PRICKLE2: variants seen among roughly 807,000 people sequenced by gnomAD.
PRICKLE2 encodes prickle-like protein 2.
PRICKLE2 carries 21 observed loss-of-function variants against 81.4 expected under a neutral mutation model. The ratio of observed to expected loss-of-function variants is 0.26; its 90% CI spans 0.18 to 0.37. PRICKLE2 has a LOEUF of 0.37. PRICKLE2 is among the 10% of genes least tolerant of loss of function. PRICKLE2 has a pLI of 1.00. For synonymous variants in PRICKLE2, 456 were observed against 421.5 expected (o/e 1.08, Z -1.00); for missense variants, 940 against 1,109.0 (o/e 0.85, Z 2.16).
At chr3:64,266,642 A>G (rs978767341) in intron 2 of PRICKLE2, among the ~76,000 whole-genome samples, 1 of 152,186 alleles carries the variant, frequency 6.6e-6, no homozygotes, top group African/African-American at 2.4e-5. Flanking sequence ...ATGATTTGAA[A>G]AGGAAAGGCC....
intron 2 of PRICKLE2, among the ~76,000 whole-genome samples, chr3:64,172,826 T>G (rs1424255607): frequency 6.6e-6 from 1 of 152,186 alleles, no homozygotes; most frequent in Non-Finnish European, 1.5e-5. Flanking sequence ...ATAAGACTGG[T>G]GTCCTTGTAA....
At chr3:64,134,457 A>G (rs1417777016) in intron 7 of PRICKLE2, among the ~76,000 whole-genome samples, 1 of 152,176 alleles carries the variant, frequency 6.6e-6, no homozygotes, top group Non-Finnish European at 1.5e-5. Flanking sequence ...CAGTCTCGGC[A>G]CTGCTGGCTT....
chr3:64,212,530 T>C (rs1244655484), intron 1 of PRICKLE2, among the ~76,000 whole-genome samples: 1 of 152,214 alleles, frequency 6.6e-6, no homozygotes, highest in African/African-American at 2.4e-5. Flanking sequence ...GCTGAAGTAC[T>C]TGTTTAGTCT....
rs764076668 is a variant in PRICKLE2 at position 64,147,125 on chromosome 3, C to A, written c.1365G>T (p.Leu455=). ...AGCTGCCAGCATGTCCTGTCATGGC[C>A]AGTGACGAGCTCCTTTTGGGGTTGC... is the stretch of plus-strand genomic sequence containing the variant. ...HFSNPKRSSS[L]AMTGHAGSFI... The change falls in exon 7 of 8, where the codon CTG becomes CTT. Residue 455 remains leucine (L), a synonymous_variant. Coordinates refer to ENST00000638394, the MANE Select transcript of PRICKLE2 (RefSeq NM_198859.4). This position sits in a 1 kb window ranked among gnomAD's most constrained non-coding sequence, Gnocchi z 5.0. 1.2e-6 allele frequency: 2 copies of A among 1,614,172 alleles called. No homozygotes were observed. The highest frequency in any genetic ancestry group is 8.5e-7 in the Non-Finnish European group (1 of 1,180,034).
intron 2 of PRICKLE2, among the ~76,000 whole-genome samples, chr3:64,261,872 T>C (rs1214062943): frequency 6.6e-6 from 1 of 152,140 alleles, no homozygotes; most frequent in Non-Finnish European, 1.5e-5. Flanking sequence ...TGTCTGAAGG[T>C]GTTAAACAGG....
At position 64,157,312 on chromosome 3, in the gene PRICKLE2, G is replaced by C. The variant is rs2077652807; in HGVS notation, c.450C>G (p.Gly150=). Residue 150 remains glycine (G), a synonymous_variant, in exon 5 of 8, where the codon GGC becomes GGG. Transcript: ENST00000638394. ...GDIAVFASRA[G]HGVCWHPPCF... ...ACGGCGGGTGCCAGCAAACGCCGTG[G>C]CCAGCGCGTGACGCAAACACAGCGA... The C allele has an allele frequency of 6.2e-7, 1 of 1,613,978 alleles. No homozygotes were observed. Among genetic ancestry groups the C allele is most frequent in the Non-Finnish European group, 8.5e-7 (1 of 1,180,028 alleles).
upstream of PRICKLE2, among the ~76,000 whole-genome samples, chr3:64,229,586 T>C (rs1314035270): frequency 6.6e-6 from 1 of 152,212 alleles, no homozygotes. Context: ...AATGGCAGTG[T>C]TTCAGTTTTT....
intron 2 of PRICKLE2, among the ~76,000 whole-genome samples, chr3:64,230,924 A>G (rs2079093292): frequency 6.6e-6 from 1 of 152,132 alleles, no homozygotes. Context: ...AAATGATAAA[A>G]CTGTTCATGA....
intron 2 of PRICKLE2, among the ~76,000 whole-genome samples, chr3:64,188,197 C>G (rs973851132): frequency 1.3e-5 from 2 of 152,178 alleles, no homozygotes; most frequent in African/African-American, 4.8e-5. Context: ...TCTGCTTTGT[C>G]CTAGGATCCT....
intron 1 of PRICKLE2, among the ~76,000 whole-genome samples, chr3:64,218,646 AT>A (rs2078907634): frequency 6.6e-6 from 1 of 152,230 alleles, no homozygotes; most frequent in African/African-American, 2.4e-5. Flanking sequence ...TAATCATTAA[AT>A]ATTAAATATT....
intron 2 of PRICKLE2, among the ~76,000 whole-genome samples, chr3:64,249,274 T>TC (rs2079406589): frequency 7.0e-6 from 1 of 142,168 alleles, no homozygotes; most frequent in South Asian, 2.2e-4. Flanking sequence ...CCACACACTT[T>TC]TAAACCATCA....
intron 2 of PRICKLE2, chr3:64,174,355 T>C (rs1338209642): frequency 6.6e-6 from 1 of 152,152 alleles, no homozygotes; most frequent in African/African-American, 2.4e-5. Context: ...ACAGTTATTG[T>C]GAGGATTTAA....
intron 1 of PRICKLE2, among the ~76,000 whole-genome samples, chr3:64,206,931 G>T (rs1575666391): frequency 6.6e-6 from 1 of 152,308 alleles, no homozygotes; most frequent in African/African-American, 2.4e-5. Context: ...GACAGGGTCT[G>T]CTCTGTCACC....
chr3:64,133,853 T>C (rs2077235827), intron 7 of PRICKLE2, among the ~76,000 whole-genome samples: 1 of 152,142 alleles, frequency 6.6e-6, no homozygotes, highest in Non-Finnish European at 1.5e-5. Flanking sequence ...TCTGGATCAT[T>C]GACATGTACA....
intron 1 of PRICKLE2, among the ~76,000 whole-genome samples, chr3:64,204,708 C>T (rs1291914309): frequency 1.3e-5 from 2 of 152,112 alleles, no homozygotes; most frequent in Non-Finnish European, 2.9e-5. Context: ...GCTAGCTGCC[C>T]GCCTTCCACT....
chr3:64,238,020 T>C (rs1197405820), intron 2 of PRICKLE2, among the ~76,000 whole-genome samples: 4 of 152,142 alleles, frequency 2.6e-5, no homozygotes, highest in Non-Finnish European at 4.4e-5. Flanking sequence ...GAGCAAGAAG[T>C]TCAGTGGACA....
chr3:64,148,770 T>C (rs2077497700), intron 6 of PRICKLE2, among the ~76,000 whole-genome samples: 1 of 152,128 alleles, frequency 6.6e-6, no homozygotes, highest in Non-Finnish European at 1.5e-5. Flanking sequence ...CCAGAAAGTA[T>C]CATCCAGGAA....
intron 7 of PRICKLE2, among the ~76,000 whole-genome samples, chr3:64,103,972 CCT>C (rs1374833295): frequency 3.3e-5 from 5 of 152,016 alleles, no homozygotes; most frequent in South Asian, 2.1e-4. Context: ...AGAGCGAGCC[CCT>C]GTCTCCAAAA....
At chr3:64,181,768 G>C (rs1292823451) in intron 2 of PRICKLE2, among the ~76,000 whole-genome samples, 1 of 152,130 alleles carries the variant, frequency 6.6e-6, no homozygotes, top group Non-Finnish European at 1.5e-5. Context: ...GTATTCATAT[G>C]ATTTTGTTTT....
Sources: gnomAD v4.1 joint callset for allele counts (sites outside exome capture counted in the v4.1 genomes callset) on GRCh38, gnomAD v4.1.1 for gene constraint, Gnocchi (gnomAD v3.1) non-coding constraint, MANE v1.5 for transcripts, NCBI Gene and HGNC (gene_info 2026-07-23, HGNC 2026-07-21) for gene names.